The following FBXL4 variants were observed in gnomAD, a reference collection of about 807,000 sequenced individuals.
The protein encoded by FBXL4 is F-box/LRR-repeat protein 4.
FBXL4 carries 40 observed loss-of-function variants against 58.9 expected under a neutral mutation model. The ratio of observed to expected loss-of-function variants is 0.68; its 90% CI spans 0.53 to 0.88. The LOEUF is 0.88. Ranked by LOEUF, FBXL4 falls within the 40% of genes least tolerant of loss-of-function variation. The probability of loss-of-function intolerance (pLI) is 0.00; values close to 1 mark genes in which losing one functional copy is unlikely to be tolerated. For missense variants in FBXL4, 676 were observed against 734.4 expected, an observed-to-expected ratio of 0.92 and a Z score of 0.92; for synonymous variants, 263 against 265.5, an observed-to-expected ratio of 0.99 and a Z score of 0.09.
rs1051060645 is a variant in FBXL4, at chr6:98,897,275, C to A, written c.1317+1993G>T. Reference sequence around the variant, plus strand: ...ATGGCATAATTTCAGAATGAACAGTCCTACCCAAGAAAAGATAGCTAGCAA... The same window carrying A: ...ATGGCATAATTTCAGAATGAACAGTACTACCCAAGAAAAGATAGCTAGCAA... On this transcript the variant is annotated intron_variant, in intron 7 of 9. Coordinates refer to ENST00000369244, the MANE Select transcript of FBXL4 (RefSeq NM_001278716.2). 1.4e-5 allele frequency: 14 copies of A among 985,066 alleles called. No individual in the cohort carries two copies. The Admixed American group carries it at 8.0e-4, about 56-fold the overall frequency. 61.0% of individuals were successfully genotyped at this position (985,066 alleles called of 1,614,324 possible). A position where few individuals can be genotyped will look rare whatever the true frequency, so the allele number is the denominator to read the frequency against.
At position 98,869,425 on chromosome 6, in the gene FBXL4, G is replaced by A. The variant is rs1460074939; in HGVS notation, c.*4853C>T. 1.3e-5 allele frequency: 2 copies of A among 152,322 alleles called. No individual in the cohort carries two copies. The highest frequency in any genetic ancestry group is 3.9e-4 in the East Asian group (2 of 5,192). The allele number at this position is 152,322 out of a possible 1,614,324, so 9.4% of individuals were successfully genotyped here. A position where few individuals can be genotyped will look rare whatever the true frequency, so the allele number is the denominator to read the frequency against. ...AGGTGGGAAAATTATTTGAGCCCAG[G>A]AGTTCAAGACCAACATAGGCAACAT... On this transcript the variant is annotated 3_prime_UTR_variant, in exon 10 of 10. Coordinates refer to ENST00000369244, the MANE Select transcript of FBXL4 (RefSeq NM_001278716.2).
Position 98,873,973 on chromosome 6 carries a change from G to T in FBXL4, c.*305C>A. 5.1e-6 allele frequency: 1 copy of T among 194,260 alleles called. No individual in the cohort carries two copies. Among genetic ancestry groups the T allele is most frequent in the Non-Finnish European group, 1.0e-5 (1 of 96,816 alleles). 12.0% of individuals were successfully genotyped at this position (194,260 alleles called of 1,614,324 possible). A position where few individuals can be genotyped will look rare whatever the true frequency, so the allele number is the denominator to read the frequency against. On this transcript the variant is annotated 3_prime_UTR_variant, in exon 10 of 10. Transcript: ENST00000369244. ...ATACTTTATTGCTCAGTGTTCCTTT[G>T]AAAATAAGTTAGCATGATTCCATGT...
At chr6:98,876,622 C>G (rs938749323) in intron 8 of FBXL4, among the ~76,000 whole-genome samples, 1 of 152,118 alleles carries the variant, frequency 6.6e-6, no homozygotes, top group Non-Finnish European at 1.5e-5. Context: ...GAAAGACACA[C>G]AGACTAATTA....
intron 4 of FBXL4, 101 bp from the exon 5 acceptor site, chr6:98,917,820 A>C: frequency 1.3e-6 from 1 of 792,758 alleles, no homozygotes; most frequent in Non-Finnish European, 1.9e-6. Flanking sequence ...TGTGAAACAA[A>C]GTCATCAAAA....
intron 7 of FBXL4, among the ~76,000 whole-genome samples, chr6:98,897,807 A>G (rs1771460552): frequency 6.6e-6 from 1 of 152,182 alleles, no homozygotes; most frequent in Admixed American, 6.5e-5. Context: ...TCTCTTGGGA[A>G]CCAAACCATT....
chr6:98,890,064 C>T (rs907514212), intron 7 of FBXL4, among the ~76,000 whole-genome samples: 1 of 152,024 alleles, frequency 6.6e-6, no homozygotes, highest in South Asian at 2.1e-4. Flanking sequence ...ATACTGAGAC[C>T]TTGTATAATC....
intron 5 of FBXL4, among the ~76,000 whole-genome samples, chr6:98,907,493 T>C (rs1455895673): frequency 6.6e-6 from 1 of 152,152 alleles, no homozygotes; most frequent in Non-Finnish European, 1.5e-5. Context: ...AAGGCAGAAT[T>C]CAAGAGATTG....
At chr6:98,878,719 G>A (rs1370096020) in intron 8 of FBXL4, among the ~76,000 whole-genome samples, 1 of 152,002 alleles carries the variant, frequency 6.6e-6, no homozygotes, top group Non-Finnish European at 1.5e-5. Flanking sequence ...TTTAAGGGGA[G>A]GTAAATAACA....
chr6:98,918,818 A>G lies in FBXL4; in HGVS notation c.513-1099T>C, dbSNP rs150712149. On this transcript the variant is annotated intron_variant, in intron 4 of 9. Transcript: ENST00000369244. ...TCAAAAAAGCTTATGCCAATAGTACATAAGAATGATCACTGAAAGCATTAA... is the reference window on the plus strand; with the variant it reads ...TCAAAAAAGCTTATGCCAATAGTACGTAAGAATGATCACTGAAAGCATTAA... Among the ~76,000 whole-genome samples the G allele has an allele frequency of 1.9e-3, 293 of 152,266 alleles. 1 individual carries two copies. The Middle Eastern group carries it at 0.02, about 11-fold the overall frequency.
chr6:98,897,366 C>T (rs1269182809), intron 7 of FBXL4: 2 of 983,658 alleles, frequency 2.0e-6, no homozygotes, highest in African/African-American at 3.5e-5. Flanking sequence ...CTAATATCAT[C>T]TGGCATTCAG....
intron 5 of FBXL4, among the ~76,000 whole-genome samples, chr6:98,907,452 G>C (rs1771856936): frequency 6.6e-6 from 1 of 152,148 alleles, no homozygotes; most frequent in South Asian, 2.1e-4. Context: ...CAGTGATGAT[G>C]GAGTAGCAAA....
intron 7 of FBXL4, among the ~76,000 whole-genome samples, chr6:98,886,776 T>C (rs1002311997): frequency 7.2e-5 from 11 of 152,190 alleles, no homozygotes; most frequent in Non-Finnish European, 1.3e-4. Context: ...GGTCACTATA[T>C]ACTTTTTGGT....
intron 7 of FBXL4, among the ~76,000 whole-genome samples, chr6:98,886,778 CT>C (rs1313636974): frequency 1.3e-5 from 2 of 152,190 alleles, no homozygotes; most frequent in Non-Finnish European, 2.9e-5. Context: ...TCACTATATA[CT>C]TTTTGGTATA....
chr6:98,939,165 CGAAAT>C (rs895443633), intron 1 of FBXL4, among the ~76,000 whole-genome samples: 1 of 143,798 alleles, frequency 7.0e-6, no homozygotes, highest in Non-Finnish European at 1.5e-5. Context: ...TGAAACGAAA[CGAAAT>C]GAAATGAGAG....
intron 1 of FBXL4, among the ~76,000 whole-genome samples, 183 bp downstream of exon 1, chr6:98,947,623 C>T (rs1323164730): frequency 6.6e-6 from 1 of 152,130 alleles, no homozygotes; most frequent in African/African-American, 2.4e-5. Context: ...GCCCCGCAAG[C>T]GTGAAGCGGA....
intron 5 of FBXL4, among the ~76,000 whole-genome samples, chr6:98,910,359 A>G (rs900708140): frequency 6.6e-6 from 1 of 152,218 alleles, no homozygotes; most frequent in Non-Finnish European, 1.5e-5. Flanking sequence ...ACAAAAAAGT[A>G]TTAATAATTC....
rs1484811889 is a variant in FBXL4 at position 98,870,359 on chromosome 6, G to T, written c.*3919C>A. Reference sequence around the variant, plus strand: ...CTGAAAAAATCTAATGGCTAACACAGTAGTATTTTGTAACACATCAAAATT... The same window carrying T: ...CTGAAAAAATCTAATGGCTAACACATTAGTATTTTGTAACACATCAAAATT... On this transcript the variant is annotated 3_prime_UTR_variant, in exon 10 of 10. Coordinates refer to ENST00000369244, the MANE Select transcript of FBXL4 (RefSeq NM_001278716.2). 1 of 152,180 alleles carries T rather than the reference G, an allele frequency of 6.6e-6. No individual in the cohort carries two copies. Among genetic ancestry groups the T allele is most frequent in the Non-Finnish European group, 1.5e-5 (1 of 68,038 alleles). The allele number at this position is 152,180 out of a possible 1,614,324, so 9.4% of individuals were successfully genotyped here.
At chr6:98,911,611 G>T (rs1772074311) in intron 5 of FBXL4, among the ~76,000 whole-genome samples, 1 of 152,244 alleles carries the variant, frequency 6.6e-6, no homozygotes. Context: ...CAGACCTGCA[G>T]CTGAGGGTCC....
At chr6:98,931,552 G>A (rs368675207) in intron 2 of FBXL4, among the ~76,000 whole-genome samples, 1 of 152,128 alleles carries the variant, frequency 6.6e-6, no homozygotes, top group African/African-American at 2.4e-5. Context: ...GGAAGGAAAT[G>A]CAGAGTCTGA....
Sources: allele counts gnomAD v4.1 joint callset (sites outside exome capture counted in the v4.1 genomes callset), GRCh38; gene constraint gnomAD v4.1.1; transcripts MANE v1.5; gene names NCBI Gene and HGNC (gene_info 2026-07-23, HGNC 2026-07-21).